Variants in DHRS7C observed in about 807,000 individuals in gnomAD.
DHRS7C encodes dehydrogenase/reductase 7C.
In DHRS7C, 28 loss-of-function variants were observed where a neutral mutation model predicts 29.6. The ratio of observed to expected loss-of-function variants is 0.95; its 90% CI spans 0.70 to 1.30. The LOEUF (loss-of-function observed/expected upper bound fraction) is 1.30. DHRS7C is among the 50% of genes most tolerant of loss of function. DHRS7C has a pLI of 0.00. For synonymous variants in DHRS7C, 158 were observed against 160.2 expected (o/e 0.99, Z 0.10); for missense variants, 403 against 393.3 (o/e 1.02, Z -0.21).
At chr17:9,787,339 C>T (rs10459903) in intron 1 of DHRS7C, among the ~76,000 whole-genome samples, 1 of 152,146 alleles carries the variant, frequency 6.6e-6, no homozygotes, top group Non-Finnish European at 1.5e-5. Context: ...TTAGAACAGA[C>T]AGCTAGGAGC....
At chr17:9,783,525 TA>T (rs1307253764) in intron 1 of DHRS7C, among the ~76,000 whole-genome samples, 2 of 152,202 alleles carry the variant, frequency 1.3e-5, no homozygotes, top group African/African-American at 2.4e-5. Flanking sequence ...AAACAGTTGT[TA>T]AAATATATTG....
chr17:9,784,852 A>C (rs1168013310), intron 1 of DHRS7C, among the ~76,000 whole-genome samples: 1 of 152,234 alleles, frequency 6.6e-6, no homozygotes, highest in African/African-American at 2.4e-5. Flanking sequence ...TTGAAGCCCT[A>C]ACAACTGATG....
chr17:9,782,749 C>G (rs1157472627), intron 1 of DHRS7C, among the ~76,000 whole-genome samples: 1 of 152,236 alleles, frequency 6.6e-6, no homozygotes. Flanking sequence ...CCAACAGCAC[C>G]TACTGCAGGG....
Position 9,781,522 on chromosome 17 carries a change from T to C in DHRS7C, c.227A>G (p.Asn76Ser). 1 of 1,613,982 alleles carries C rather than the reference T, an allele frequency of 6.2e-7. No homozygotes were observed. Residue 76 changes from asparagine to serine, a missense_variant, in exon 2 of 6, where the codon AAC (asparagine) becomes AGC (serine). Coordinates refer to ENST00000571134, the MANE Select transcript of DHRS7C (RefSeq NM_001105571.3). ...LCGKNWERLE[N>S]LYDALISVAD... ...CACGCTGATCAAGGCATCATATAGG[T>C]TCTCTAGCCTCTCCCAGTTCTTTCC... is the stretch of plus-strand genomic sequence containing the variant.
At chr17:9,776,146 T>C (rs2066361461) in intron 4 of DHRS7C, among the ~76,000 whole-genome samples, 2 of 152,182 alleles carry the variant, frequency 1.3e-5, no homozygotes. Context: ...GAGGTTGCAG[T>C]GAGCCAAGAC....
At chr17:9,784,980 GT>G (rs1232948069) in intron 1 of DHRS7C, among the ~76,000 whole-genome samples, 1 of 152,188 alleles carries the variant, frequency 6.6e-6, no homozygotes, top group Non-Finnish European at 1.5e-5. Context: ...TGGGTTGTGT[GT>G]TTATGTATGT....
chr17:9,778,411 A>G (rs1436403222), intron 3 of DHRS7C, among the ~76,000 whole-genome samples: 1 of 151,750 alleles, frequency 6.6e-6, no homozygotes, highest in East Asian at 1.9e-4. Flanking sequence ...AAAAAAAAAA[A>G]AGAAAGAAAG....
intron 1 of DHRS7C, among the ~76,000 whole-genome samples, chr17:9,790,305 CA>C (rs1216004508): frequency 6.6e-6 from 1 of 152,178 alleles, no homozygotes; most frequent in Non-Finnish European, 1.5e-5. Context: ...GCAAAAGTTG[CA>C]CTAACTATGT....
In DHRS7C at chr17:9,772,845, T is replaced by A. The variant is rs1345847759; in HGVS notation, c.649A>T (p.Ser217Cys). The A allele has an allele frequency of 1.9e-6, 3 of 1,613,996 alleles. No homozygotes were observed. Among genetic ancestry groups the A allele is most frequent in the South Asian group, 2.2e-5 (2 of 91,082 alleles). ...CGGATGAAAGTCGGGCTCACGGTGCTGATGACAACATCGTATTCCTCCACT... is the reference window on the plus strand; with the variant it reads ...CGGATGAAAGTCGGGCTCACGGTGCAGATGACAACATCGTATTCCTCCACT... ...AEVEEYDVVI[S>C]TVSPTFIRSY... Residue 217 changes from serine to cysteine, a missense_variant, in exon 5 of 6, where the codon AGC becomes TGC. Transcript: ENST00000571134.
chr17:9,771,588 G>C lies in DHRS7C; in HGVS notation c.836C>G (p.Pro279Arg). 1 of 1,598,240 alleles carries C rather than the reference G, an allele frequency of 6.3e-7. No homozygotes were observed. Among genetic ancestry groups the C allele is most frequent in the Non-Finnish European group, 8.5e-7 (1 of 1,171,482 alleles). The change falls in exon 6 of 6, where the codon CCC (proline) becomes CGC (arginine). Residue 279 changes from proline to arginine, a missense_variant. Physicochemically the swap from Pro to Arg is moderately radical, Grantham distance 103. Transcript: ENST00000571134. ...GGTGCGGACGTACACGGCGGCCTTG[G>C]GGATGGGGTTGGCCATAAACACCTC... Reference protein sequence around the residue: ...KQEVFMANPIPKAAVYVRTFF... With the variant: ...KQEVFMANPIRKAAVYVRTFF...
chr17:9,782,537 G>A lies in DHRS7C; in HGVS notation c.155-943C>T, dbSNP rs912246864. Among the ~76,000 whole-genome samples, 50 of 148,738 alleles carry A rather than the reference G, an allele frequency of 3.4e-4. 1 individual carries two copies. Among genetic ancestry groups the A allele is most frequent in the Admixed American group, 1.3e-3 (19 of 15,102 alleles). On this transcript the variant is annotated intron_variant, in intron 1 of 5. Transcript: ENST00000571134. Reference sequence around the variant, plus strand: ...GGCCTTTGTACACCAGTGTCAATCAGTCACTGATGGGGCTGCCCTCTCTGG... The same window carrying A: ...GGCCTTTGTACACCAGTGTCAATCAATCACTGATGGGGCTGCCCTCTCTGG...
rs1038361336 is a variant in DHRS7C, at chr17:9,775,460, T to G, written c.571+1733A>C. 6.6e-6 allele frequency among the ~76,000 whole-genome samples: 1 copy of G among 152,068 alleles called. No individual in the cohort carries two copies. The highest frequency in any genetic ancestry group is 6.6e-5 in the Admixed American group (1 of 15,252). On this transcript the variant is annotated intron_variant, in intron 4 of 5. Coordinates refer to ENST00000571134, the MANE Select transcript of DHRS7C (RefSeq NM_001105571.3). The surrounding 1 kb of genome is among the most constrained non-coding windows in gnomAD (Gnocchi z 4.2). ...GGATGTCCAATGCCAGCCTGGGGCT[T>G]TGGACATTGAGCACGGCTCCTCCAC...
intron 1 of DHRS7C, among the ~76,000 whole-genome samples, chr17:9,785,969 A>G (rs2066420817): frequency 6.6e-6 from 1 of 152,084 alleles, no homozygotes; most frequent in Non-Finnish European, 1.5e-5. Context: ...GGGCATCCCA[A>G]TTCCAGAATC....
In DHRS7C at chr17:9,775,320, GC is replaced by G. The variant is rs1322298921; in HGVS notation, c.571+1872del. On this transcript the variant is annotated intron_variant, in intron 4 of 5. Transcript: ENST00000571134. This position sits in a 1 kb window ranked among gnomAD's most constrained non-coding sequence, Gnocchi z 4.2. ...CTGCTGTATGTGGCCCATTCACTCTGCCCTTCTTCCTGGGCCCCCAGGTGGA... is the reference window on the plus strand; with the variant it reads ...CTGCTGTATGTGGCCCATTCACTCTGCCTTCTTCCTGGGCCCCCAGGTGGA... 6.6e-6 allele frequency among the ~76,000 whole-genome samples: 1 copy of G among 152,228 alleles called. No individual in the cohort carries two copies. Among genetic ancestry groups the G allele is most frequent in the East Asian group, 1.9e-4 (1 of 5,192 alleles).
At chr17:9,777,090 C>A in intron 4 of DHRS7C, 103 bp downstream of exon 4, 4 of 968,216 alleles carry the variant, frequency 4.1e-6, no homozygotes, top group Non-Finnish European at 6.0e-6. Context: ...ATCCTTGGAC[C>A]CTTTCCCCTG....
At chr17:9,786,543 A>G (rs1567703830) in intron 1 of DHRS7C, among the ~76,000 whole-genome samples, 1 of 152,082 alleles carries the variant, frequency 6.6e-6, no homozygotes, top group African/African-American at 2.4e-5. Flanking sequence ...GTGTTCACAC[A>G]GGATGTCCCC....
chr17:9,771,536 C>A lies in DHRS7C; in HGVS notation c.888G>T (p.Val296=). Residue 296 remains valine (V), a synonymous_variant, in exon 6 of 6, where the codon GTG becomes GTT. Transcript: ENST00000571134. ...RTFFPEFFFA[V]VACGVKEKLN... ...GCTTCTCCTTCACCCCACAGGCCAC[C>A]ACGGCGAAAAAGAACTCCGGGAAGA... 6.3e-7 allele frequency: 1 copy of A among 1,587,840 alleles called. No individual in the cohort carries two copies. The highest frequency in any genetic ancestry group is 8.6e-7 in the Non-Finnish European group (1 of 1,164,946).
rs2066356455 is a variant in DHRS7C at position 9,775,403 on chromosome 17, T to A, written c.571+1790A>T. 6.6e-6 allele frequency among the ~76,000 whole-genome samples: 1 copy of A among 152,198 alleles called. No homozygotes were observed. Among genetic ancestry groups the A allele is most frequent in the Non-Finnish European group, 1.5e-5 (1 of 68,028 alleles). ...GCGACTGAGTTCTCCCAATAGGATGTGAGCAGCGGTGATGCCAGCCTGGGG... is the reference window on the plus strand; with the variant it reads ...GCGACTGAGTTCTCCCAATAGGATGAGAGCAGCGGTGATGCCAGCCTGGGG... On this transcript the variant is annotated intron_variant, in intron 4 of 5. Coordinates refer to ENST00000571134, the MANE Select transcript of DHRS7C (RefSeq NM_001105571.3). The surrounding 1 kb of genome is among the most constrained non-coding windows in gnomAD (Gnocchi z 4.2).
chr17:9,772,619 C>T lies in DHRS7C; in HGVS notation c.727+148G>A. 6.5e-6 allele frequency: 7 copies of T among 1,080,442 alleles called. No individual in the cohort carries two copies. The South Asian group carries it at 1.2e-4, about 18-fold the overall frequency. 66.9% of individuals were successfully genotyped at this position (1,080,442 alleles called of 1,614,324 possible). A position where few individuals can be genotyped will look rare whatever the true frequency, so the allele number is the denominator to read the frequency against. On this transcript the variant is annotated intron_variant, in intron 5 of 5. Coordinates refer to ENST00000571134, the MANE Select transcript of DHRS7C (RefSeq NM_001105571.3). ...CAGGCCTAAAGGTTTGGGGGCCCCG[C>T]CCTGCTGTTGGGGGTTGCTGAGCCT...
Sources: gnomAD v4.1 joint callset for allele counts (sites outside exome capture counted in the v4.1 genomes callset) on GRCh38, gnomAD v4.1.1 for gene constraint, Gnocchi (gnomAD v3.1) non-coding constraint, MANE v1.5 for transcripts, NCBI Gene and HGNC (gene_info 2026-07-23, HGNC 2026-07-21) for gene names.